The following ZMAT3 variants were observed in gnomAD, a reference collection of about 807,000 sequenced individuals.
The protein encoded by ZMAT3 is zinc finger matrin-type protein 3.
A neutral mutation model predicts 32.3 loss-of-function variants in ZMAT3; 17 were observed. That is an observed-to-expected ratio of 0.53 (90% CI 0.36 to 0.79). The LOEUF (loss-of-function observed/expected upper bound fraction) is 0.79, where lower values mean the gene tolerates loss of function less well. ZMAT3 is among the 30% of genes least tolerant of loss of function. The pLI, the probability that ZMAT3 is intolerant of heterozygous loss-of-function variation, is 0.00. For missense variants in ZMAT3, 329 were observed against 359.7 expected (o/e 0.91, Z 0.69); for synonymous variants, 120 against 133.1 (o/e 0.90, Z 0.68).
rs1264471841 is a variant in ZMAT3 at position 179,020,632 on chromosome 3, G to A, written c.*4385C>T. On this transcript the variant is annotated 3_prime_UTR_variant, in exon 6 of 6. Coordinates refer to ENST00000311417, the MANE Select transcript of ZMAT3 (RefSeq NM_022470.4). Reference sequence around the variant, plus strand: ...AAGCAGCTCTATTGTCCTAGCATATGCCTCACCAAGTTCTTTAAAGGGCAT... The same window carrying A: ...AAGCAGCTCTATTGTCCTAGCATATACCTCACCAAGTTCTTTAAAGGGCAT... 5 of 152,168 alleles carry A rather than the reference G, an allele frequency of 3.3e-5. No individual in the cohort carries two copies. The highest frequency in any genetic ancestry group is 5.9e-5 in the Non-Finnish European group (4 of 68,036). The allele number at this position is 152,168 out of a possible 1,614,324, so 9.4% of individuals were successfully genotyped here.
rs1718736151 is a variant in ZMAT3, at chr3:179,024,368, G to A, written c.*649C>T. On this transcript the variant is annotated 3_prime_UTR_variant, in exon 6 of 6. Coordinates refer to ENST00000311417, the MANE Select transcript of ZMAT3 (RefSeq NM_022470.4). Reference sequence around the variant, plus strand: ...ACAATGCATTGAGGTGGCGGTTCTGGTTAAGCCCTGGGAAACTGAAATCTC... The same window carrying A: ...ACAATGCATTGAGGTGGCGGTTCTGATTAAGCCCTGGGAAACTGAAATCTC... 6.6e-6 allele frequency: 1 copy of A among 152,368 alleles called. No individual in the cohort carries two copies. The highest frequency in any genetic ancestry group is 6.5e-5 in the Admixed American group (1 of 15,302). The allele number at this position is 152,368 out of a possible 1,614,324, so 9.4% of individuals were successfully genotyped here.
intron 5 of ZMAT3, 79 bp from the exon 6 acceptor site, chr3:179,025,307 G>T: frequency 1.7e-6 from 2 of 1,148,392 alleles, no homozygotes; most frequent in Non-Finnish European, 2.5e-6. Context: ...ACTGTAATTT[G>T]TAATTCTAAG....
intron 2 of ZMAT3, among the ~76,000 whole-genome samples, chr3:179,045,359 C>G (rs1328542423): frequency 6.6e-6 from 1 of 151,910 alleles, no homozygotes; most frequent in East Asian, 1.9e-4. Context: ...TTGTTTGTAA[C>G]AGCAAAAAAG....
At chr3:179,063,640 C>T (rs888686632) in intron 2 of ZMAT3, among the ~76,000 whole-genome samples, 1 of 152,188 alleles carries the variant, frequency 6.6e-6, no homozygotes, top group Non-Finnish European at 1.5e-5. Flanking sequence ...CTGTTAATAA[C>T]CTTCCCTGCT....
In ZMAT3 at chr3:179,027,723, A is replaced by G. The variant is rs141895852; in HGVS notation, c.480T>C (p.Ala160=). Residue 160 remains alanine (A), a synonymous_variant, in exon 4 of 6, where the codon GCT becomes GCC. Coordinates refer to ENST00000311417, the MANE Select transcript of ZMAT3 (RefSeq NM_022470.4). ...TCCCTTGATAGTGAGCCTGAGCCAC[A>G]GCTGGGGAACTGAAGGAGGCATCAC... ...KLCDASFSSP[A]VAQAHYQGKN... is the part of the protein sequence containing the mutation. 74 of 1,614,100 alleles carry G rather than the reference A, an allele frequency of 4.6e-5. No homozygotes were observed. The highest frequency in any genetic ancestry group is 5.3e-5 in the Non-Finnish European group (62 of 1,180,046).
intron 2 of ZMAT3, among the ~76,000 whole-genome samples, chr3:179,040,081 G>T (rs1183544414): frequency 6.6e-6 from 1 of 152,206 alleles, no homozygotes. Context: ...ATGGGACTAT[G>T]TGAAAAGACC....
chr3:179,055,624 G>A lies in ZMAT3; in HGVS notation c.270+11859C>T, dbSNP rs866836496. 2.0e-5 allele frequency among the ~76,000 whole-genome samples: 3 copies of A among 152,126 alleles called. 1 individual carries two copies. Among genetic ancestry groups the A allele is most frequent in the African/African-American group, 4.8e-5 (2 of 41,470 alleles). On this transcript the variant is annotated intron_variant, in intron 2 of 5. Coordinates refer to ENST00000311417, the MANE Select transcript of ZMAT3 (RefSeq NM_022470.4). ...CCAAGCAGTGAGAGGAGGAGAATTCGGCCCAGCCAGAGTGCCTGTACCTTT... is the reference window on the plus strand; with the variant it reads ...CCAAGCAGTGAGAGGAGGAGAATTCAGCCCAGCCAGAGTGCCTGTACCTTT...
chr3:179,070,227 T>G (rs372954673), intron 1 of ZMAT3, among the ~76,000 whole-genome samples: 28 of 152,312 alleles, frequency 1.8e-4, no homozygotes, highest in Non-Finnish European at 3.5e-4. Flanking sequence ...TCACTTTCAC[T>G]TGAGGAAATT....
chr3:179,047,693 A>C (rs1255846627), intron 2 of ZMAT3, among the ~76,000 whole-genome samples: 1 of 97,518 alleles, frequency 1.0e-5, no homozygotes, highest in Non-Finnish European at 2.1e-5. Context: ...TCTCTACTAA[A>C]AATACAAAAA....
In ZMAT3 at chr3:179,034,921, C is replaced by T. The variant is rs1719497645; in HGVS notation, c.271-3922G>A. ...GGATACTACAAATACCACAGTAATC[C>T]AAGGTACCAACATTTTTCATTTGCA... On this transcript the variant is annotated intron_variant, in intron 2 of 5. Coordinates refer to ENST00000311417, the MANE Select transcript of ZMAT3 (RefSeq NM_022470.4). Among the ~76,000 whole-genome samples, 5 of 152,312 alleles carry T rather than the reference C, an allele frequency of 3.3e-5. No individual in the cohort carries two copies. In the South Asian group the frequency reaches 1.0e-3, roughly 32 times the overall value.
chr3:179,066,971 T>C (rs1456354570), intron 2 of ZMAT3, among the ~76,000 whole-genome samples: 1 of 152,254 alleles, frequency 6.6e-6, no homozygotes, highest in East Asian at 1.9e-4. Flanking sequence ...ACCTGTGTTT[T>C]CCTTACCAGT....
intron 2 of ZMAT3, among the ~76,000 whole-genome samples, chr3:179,032,802 C>T (rs577015725): frequency 1.3e-5 from 2 of 152,076 alleles, no homozygotes; most frequent in East Asian, 3.9e-4. Context: ...GCCCCTCCAC[C>T]CAGCAGCCAC....
rs756657526 is a variant in ZMAT3, at chr3:179,030,957, T to C, written c.313A>G (p.Asn105Asp). 1.9e-6 allele frequency: 3 copies of C among 1,613,750 alleles called. No individual in the cohort carries two copies. The highest frequency in any genetic ancestry group is 2.5e-6 in the Non-Finnish European group (3 of 1,179,832). Residue 105 changes from asparagine (N) to aspartate (D), a missense_variant, in exon 3 of 6, where the codon AAT becomes GAT. Coordinates refer to ENST00000311417, the MANE Select transcript of ZMAT3 (RefSeq NM_022470.4). Reference protein sequence around the residue: ...GKKLRNYYAANSCPPPARMSN... With the variant: ...GKKLRNYYAADSCPPPARMSN... Reference sequence around the variant, plus strand: ...ATTCTAGCAGGAGGAGGACAGCTATTTGCTGCATAGTAATTTCGGAGTTTC... The same window carrying C: ...ATTCTAGCAGGAGGAGGACAGCTATCTGCTGCATAGTAATTTCGGAGTTTC...
At chr3:179,033,559 A>G (rs1255346419) in intron 2 of ZMAT3, among the ~76,000 whole-genome samples, 1 of 150,704 alleles carries the variant, frequency 6.6e-6, no homozygotes, top group Non-Finnish European at 1.5e-5. Flanking sequence ...ATTTTAGGAA[A>G]AAAAAAAAAG....
chr3:179,030,838 C>A, intron 3 of ZMAT3, 42 bp downstream of exon 3: 1 of 1,588,830 alleles, frequency 6.3e-7, no homozygotes, highest in South Asian at 1.2e-5. Flanking sequence ...CATATTACAG[C>A]TTCCACCCTA....
rs748245797 is a variant in ZMAT3 at position 179,067,789 on chromosome 3, T to C, written c.-37A>G. 1 of 1,605,456 alleles carries C rather than the reference T, an allele frequency of 6.2e-7. No homozygotes were observed. Among genetic ancestry groups the C allele is most frequent in the Non-Finnish European group, 8.5e-7 (1 of 1,174,364 alleles). On this transcript the variant is annotated 5_prime_UTR_variant, in exon 2 of 6. Coordinates refer to ENST00000311417, the MANE Select transcript of ZMAT3 (RefSeq NM_022470.4). ...GCCTGGGGCATAATCCAGTGGGTGA[T>C]GAGAAGCAAGGTCTTCAAATCTGAA...
intron 2 of ZMAT3, among the ~76,000 whole-genome samples, chr3:179,065,104 A>G (rs1721339534): frequency 6.6e-6 from 1 of 152,180 alleles, no homozygotes. Context: ...AGTCTTAGCA[A>G]TATACTTTAT....
rs1576826641 is a variant in ZMAT3 at position 179,018,423 on chromosome 3, T to G, written c.*6594A>C. The G allele has an allele frequency of 6.6e-6, 1 of 152,202 alleles. No individual in the cohort carries two copies. Among genetic ancestry groups the G allele is most frequent in the East Asian group, 1.9e-4 (1 of 5,186 alleles). 9.4% of individuals were successfully genotyped at this position (152,202 alleles called of 1,614,324 possible). A position where few individuals can be genotyped will look rare whatever the true frequency, so the allele number is the denominator to read the frequency against. On this transcript the variant is annotated 3_prime_UTR_variant, in exon 6 of 6. Transcript: ENST00000311417. ...GGAACTATGGCCATGAGAATATGTTTAAGTTCAAAGAACTGCCAGATGTCT... is the reference window on the plus strand; with the variant it reads ...GGAACTATGGCCATGAGAATATGTTGAAGTTCAAAGAACTGCCAGATGTCT...
At position 179,019,827 on chromosome 3, in the gene ZMAT3, C is replaced by T. The variant is rs1233096566; in HGVS notation, c.*5190G>A. 6.6e-6 allele frequency: 1 copy of T among 152,010 alleles called. No homozygotes were observed. Among genetic ancestry groups the T allele is most frequent in the Non-Finnish European group, 1.5e-5 (1 of 67,958 alleles). The allele number at this position is 152,010 out of a possible 1,614,324, so 9.4% of individuals were successfully genotyped here. On this transcript the variant is annotated 3_prime_UTR_variant, in exon 6 of 6. Transcript: ENST00000311417. ...CTTTAGCTGCAAATACATAATTTTTCCCCTCTCTACAGAAGACAAGTTTGA... is the reference window on the plus strand; with the variant it reads ...CTTTAGCTGCAAATACATAATTTTTTCCCTCTCTACAGAAGACAAGTTTGA...
Sources: allele counts gnomAD v4.1 joint callset (sites outside exome capture counted in the v4.1 genomes callset), GRCh38; gene constraint gnomAD v4.1.1; transcripts MANE v1.5; gene names NCBI Gene and HGNC (gene_info 2026-07-23, HGNC 2026-07-21).